ZNF385A: variants seen among roughly 807,000 people sequenced by gnomAD.
ZNF385A encodes the protein zinc finger protein 385A.
ZNF385A carries 14 observed loss-of-function variants against 32.1 expected under a neutral mutation model. That is an observed-to-expected ratio of 0.44 (90% confidence interval 0.29 to 0.68). The LOEUF is 0.68. ZNF385A is among the 30% of genes least tolerant of loss of function. ZNF385A has a pLI of 0.14. For missense variants in ZNF385A, 406 were observed against 478.4 expected (o/e 0.85, Z 1.41); for synonymous variants, 197 against 202.7 (o/e 0.97, Z 0.24).
rs1296427703 is a variant in ZNF385A at position 54,377,754 on chromosome 12, TC to T, written c.88-1801del. ...GAGACCCCCAACTCTGTTCCAGAGT[TC>T]TCCTCAGCCCTGGGCTTCCTCACAT... On this transcript the variant is annotated intron_variant, in intron 1 of 6. Transcript: ENST00000394313. Among the ~76,000 whole-genome samples, 5 of 151,960 alleles carry T rather than the reference TC, an allele frequency of 3.3e-5. No homozygotes were observed. The East Asian group carries it at 9.7e-4, about 29-fold the overall frequency.
chr12:54,371,856 C>T, intron 3 of ZNF385A, 141 bp from the exon 4 acceptor site: 1 of 1,248,646 alleles, frequency 8.0e-7, no homozygotes, highest in Non-Finnish European at 1.1e-6. Flanking sequence ...CTCTCATGCC[C>T]TGGTCCAGAG....
intron 1 of ZNF385A, among the ~76,000 whole-genome samples, chr12:54,380,594 C>A (rs1026182092): frequency 7.2e-5 from 11 of 152,188 alleles, no homozygotes; most frequent in African/African-American, 2.7e-4. Context: ...TCTACAGGAA[C>A]ATATTTCCCT....
intron 1 of ZNF385A, among the ~76,000 whole-genome samples, chr12:54,390,108 TCCAGGTA>T (rs1955596259): frequency 6.6e-6 from 1 of 151,982 alleles, no homozygotes; most frequent in Admixed American, 6.5e-5. Context: ...AGTCAAGCCC[TCCAGGTA>T]CCAGCATGGA....
chr12:54,384,716 A>G lies in ZNF385A; in HGVS notation c.-202T>C. 7.4e-7 allele frequency: 1 copy of G among 1,342,612 alleles called. No homozygotes were observed. 83.2% of individuals were successfully genotyped at this position (1,342,612 alleles called of 1,614,324 possible). A position where few individuals can be genotyped will look rare whatever the true frequency, so the allele number is the denominator to read the frequency against. On this transcript the variant is annotated 5_prime_UTR_variant, in exon 1 of 7. Transcript: ENST00000394313. Reference sequence around the variant, plus strand: ...TGTACACACTTCCCCTGCTGGCTCCAGAGCAATGGAGCACAGTGCCCTGTG... The same window carrying G: ...TGTACACACTTCCCCTGCTGGCTCCGGAGCAATGGAGCACAGTGCCCTGTG...
At chr12:54,387,456 C>T (rs940254309), upstream of ZNF385A, among the ~76,000 whole-genome samples, 1 of 152,228 alleles carries the variant, frequency 6.6e-6, no homozygotes, top group Non-Finnish European at 1.5e-5. Flanking sequence ...AAACAGGACT[C>T]TTGGTTTCAG....
In ZNF385A at chr12:54,374,036, G is replaced by T. The variant is rs747493233; in HGVS notation, c.298C>A (p.Pro100Thr). The change falls in exon 3 of 7, where the codon CCT becomes ACT. Residue 100 changes from proline (P) to threonine (T), a missense_variant. Transcript: ENST00000394313. ...TRGREPGVREPGDPAPPGSTP... is the reference protein window; with the variant it reads ...TRGREPGVRETGDPAPPGSTP... ...CTGCCTGGGGGAGCTGGGTCTCCAG[G>T]TTCTCGGACGCCAGGCTCCCTGCCT... 1 of 1,601,530 alleles carries T rather than the reference G, an allele frequency of 6.2e-7. No individual in the cohort carries two copies. Among genetic ancestry groups the T allele is most frequent in the Admixed American group, 1.7e-5 (1 of 59,232 alleles).
intron 1 of ZNF385A, among the ~76,000 whole-genome samples, chr12:54,382,995 C>G (rs1001720822): frequency 6.6e-5 from 10 of 152,016 alleles, no homozygotes; most frequent in Admixed American, 2.0e-4. Context: ...AACCCCATCT[C>G]TACTAAAAAT....
upstream of ZNF385A, among the ~76,000 whole-genome samples, chr12:54,387,840 C>T (rs921638241): frequency 6.6e-6 from 1 of 152,176 alleles, no homozygotes; most frequent in Non-Finnish European, 1.5e-5. Context: ...TGACGTGAAC[C>T]TGTCTGTCTG....
chr12:54,376,062 C>A, intron 1 of ZNF385A, 108 bp from the exon 2 acceptor site: 4 of 792,182 alleles, frequency 5.0e-6, no homozygotes, highest in Middle Eastern at 7.1e-4. Context: ...CCCTTCTATC[C>A]CTTAATATGC....
At chr12:54,386,209 C>CACACACACAG, upstream of ZNF385A, among the ~76,000 whole-genome samples, 1 of 139,858 alleles carries the variant, frequency 7.2e-6, no homozygotes, top group East Asian at 2.2e-4. Flanking sequence ...CACACACACA[C>CACACACACAG]AGAGAGACGG....
Position 54,370,812 on chromosome 12 carries a change from C to A in ZNF385A, c.775-91G>T. 1 of 1,596,704 alleles carries A rather than the reference C, an allele frequency of 6.3e-7. No individual in the cohort carries two copies. The highest frequency in any genetic ancestry group is 8.5e-7 in the Non-Finnish European group (1 of 1,171,976). On this transcript the variant is annotated intron_variant, in intron 5 of 6. Coordinates refer to ENST00000394313, the MANE Select transcript of ZNF385A (RefSeq NM_015481.3). This position sits in a 1 kb window ranked among gnomAD's most constrained non-coding sequence, Gnocchi z 5.5. ...CAAGCTCCAAGCACCGGCCCCCTCCCATCTGGCCCCCTGGGGAAAACTCTG... is the reference window on the plus strand; with the variant it reads ...CAAGCTCCAAGCACCGGCCCCCTCCAATCTGGCCCCCTGGGGAAAACTCTG...
chr12:54,389,746 G>A (rs767675358), intron 1 of ZNF385A, among the ~76,000 whole-genome samples: 7 of 152,106 alleles, frequency 4.6e-5, no homozygotes, highest in Non-Finnish European at 8.8e-5. Context: ...CTGTGCTCTG[G>A]GGGACTGAGT....
intron 1 of ZNF385A, among the ~76,000 whole-genome samples, chr12:54,383,196 AAGCTTT>A (rs1475999088): frequency 2.0e-5 from 3 of 152,050 alleles, no homozygotes; most frequent in Non-Finnish European, 2.9e-5. Flanking sequence ...AAAACAAATA[AAGCTTT>A]AGCTTTAGCA....
At position 54,374,070 on chromosome 12, in the gene ZNF385A, G is replaced by T. The variant is rs1161474442; in HGVS notation, c.264C>A (p.Ala88=). ...CGCCAGGCTCCCTGCCTCTGGTCTTGGCAGCCTCAATGCCTTTGACTCGTC... is the reference window on the plus strand; with the variant it reads ...CGCCAGGCTCCCTGCCTCTGGTCTTTGCAGCCTCAATGCCTTTGACTCGTC... ...HARRVKGIEA[A]KTRGREPGVR... The change falls in exon 3 of 7, where the codon GCC becomes GCA. Residue 88 remains alanine, a synonymous_variant. Coordinates refer to ENST00000394313, the MANE Select transcript of ZNF385A (RefSeq NM_015481.3). 1 of 1,601,908 alleles carries T rather than the reference G, an allele frequency of 6.2e-7. No individual in the cohort carries two copies. The highest frequency in any genetic ancestry group is 1.1e-5 in the South Asian group (1 of 89,744).
Position 54,370,234 on chromosome 12 carries a change from TG to T in ZNF385A, c.*21del. The T allele has an allele frequency of 7.1e-7, 1 of 1,403,366 alleles. No individual in the cohort carries two copies. The highest frequency in any genetic ancestry group is 9.3e-7 in the Non-Finnish European group (1 of 1,074,084). 86.9% of individuals were successfully genotyped at this position (1,403,366 alleles called of 1,614,324 possible). On this transcript the variant is annotated 3_prime_UTR_variant, in exon 7 of 7. Transcript: ENST00000394313. The surrounding 1 kb of genome is among the most constrained non-coding windows in gnomAD (Gnocchi z 5.5). The stretch of plus-strand genomic sequence containing the variant: ...TCCCGGCTGGAGGTGGGGAGTTGAA[TG>T]GGAGGGGTTCAGGGTTGAGGTCAGT...
chr12:54,382,553 C>T (rs913435202), intron 1 of ZNF385A, among the ~76,000 whole-genome samples: 1 of 152,112 alleles, frequency 6.6e-6, no homozygotes, highest in Non-Finnish European at 1.5e-5. Context: ...TTAGTTTTTG[C>T]TTTCTTATTT....
upstream of ZNF385A, among the ~76,000 whole-genome samples, chr12:54,386,881 T>C (rs1955502623): frequency 6.6e-6 from 1 of 152,204 alleles, no homozygotes; most frequent in Non-Finnish European, 1.5e-5. Flanking sequence ...CTGAAGTAGC[T>C]CAATGAAGTA....
Position 54,383,165 on chromosome 12 carries a change from AAAAAC to A in ZNF385A, c.87+1258_87+1262del, listed in dbSNP as rs113165208. Reference sequence around the variant, plus strand: ...GAGAGATTGAGCAAGACTACATCTCAAAAACAAAACAAAACAAAACAAAACAAATA... The same window carrying A: ...GAGAGATTGAGCAAGACTACATCTCAAAAACAAAACAAAACAAAACAAATA... On this transcript the variant is annotated intron_variant, in intron 1 of 6. Coordinates refer to ENST00000394313, the MANE Select transcript of ZNF385A (RefSeq NM_015481.3). Among the ~76,000 whole-genome samples the A allele has an allele frequency of 5.3e-5, 8 of 152,114 alleles. No individual in the cohort carries two copies. In the South Asian group the frequency reaches 1.2e-3, roughly 24 times the overall value.
At chr12:54,373,266 G>A (rs767390023) in intron 3 of ZNF385A, among the ~76,000 whole-genome samples, 14 of 151,904 alleles carry the variant, frequency 9.2e-5, no homozygotes, top group Non-Finnish European at 1.8e-4. Context: ...TATAAGGATG[G>A]AGATGTTAGG....
Sources: allele counts gnomAD v4.1 joint callset (sites outside exome capture counted in the v4.1 genomes callset), GRCh38; gene constraint gnomAD v4.1.1; non-coding constraint Gnocchi (gnomAD v3.1); transcripts MANE v1.5; gene names NCBI Gene and HGNC (gene_info 2026-07-23, HGNC 2026-07-21).